Variants in KCNH7 observed in about 807,000 individuals in gnomAD.
KCNH7 encodes the protein potassium voltage-gated channel subfamily H member 7.
KCNH7 carries 49 observed loss-of-function variants against 120.8 expected under a neutral mutation model. The ratio of observed to expected loss-of-function variants is 0.41; its 90% CI spans 0.32 to 0.51. The LOEUF is 0.51. Ranked by LOEUF, KCNH7 falls within the 20% of genes least tolerant of loss-of-function variation. KCNH7 has a pLI of 0.38. For synonymous variants in KCNH7, 547 were observed against 516.1 expected (o/e 1.06, Z -0.81); for missense variants, 1,097 against 1,446.6 (o/e 0.76, Z 3.92).
intron 2 of KCNH7, among the ~76,000 whole-genome samples, chr2:162,802,186 AT>A (rs1446642651): frequency 6.6e-6 from 1 of 151,718 alleles, no homozygotes; most frequent in Non-Finnish European, 1.5e-5. Context: ...CATCCCTGTT[AT>A]TTTAATAACT....
intron 2 of KCNH7, among the ~76,000 whole-genome samples, chr2:162,697,220 G>T (rs1686325261): frequency 6.6e-6 from 1 of 152,058 alleles, no homozygotes; most frequent in Non-Finnish European, 1.5e-5. Context: ...CAGAGGGGTG[G>T]AACTGAGTTT....
At chr2:162,798,998 T>C (rs2105537660) in intron 2 of KCNH7, among the ~76,000 whole-genome samples, 1 of 152,142 alleles carries the variant, frequency 6.6e-6, no homozygotes, top group East Asian at 1.9e-4. Flanking sequence ...GCAACACTTC[T>C]AGACAAACTC....
intron 7 of KCNH7, among the ~76,000 whole-genome samples, chr2:162,436,461 T>C (rs564653779): frequency 3.3e-5 from 5 of 152,268 alleles, no homozygotes; most frequent in African/African-American, 1.2e-4. Context: ...ACTGACCGGG[T>C]ATCTAATGAT....
chr2:162,618,464 G>T (rs1290348969), intron 2 of KCNH7, among the ~76,000 whole-genome samples: 1 of 151,798 alleles, frequency 6.6e-6, no homozygotes, highest in Non-Finnish European at 1.5e-5. Context: ...TGCTTACATA[G>T]AACTTTAATT....
chr2:162,494,597 G>A lies in KCNH7; in HGVS notation c.1128+9846C>T, dbSNP rs1184581946. Among the ~76,000 whole-genome samples, 4 of 152,096 alleles carry A rather than the reference G, an allele frequency of 2.6e-5. No individual in the cohort carries two copies. The East Asian group carries it at 5.8e-4, about 22-fold the overall frequency. On this transcript the variant is annotated intron_variant, in intron 6 of 15. Coordinates refer to ENST00000332142, the MANE Select transcript of KCNH7 (RefSeq NM_033272.4). ...TATCAATCATAATAAAGGTTATTAT[G>A]TTAACCTATTGTAAACTACAGAAAT... is the stretch of plus-strand genomic sequence containing the variant.
intron 2 of KCNH7, among the ~76,000 whole-genome samples, chr2:162,611,612 T>G (rs1008400990): frequency 1.3e-5 from 2 of 152,180 alleles, no homozygotes; most frequent in African/African-American, 4.8e-5. Flanking sequence ...GTTCTAAAAC[T>G]GAGAAGCCCA....
At chr2:162,789,523 A>G (rs766857459) in intron 2 of KCNH7, among the ~76,000 whole-genome samples, 5 of 152,014 alleles carry the variant, frequency 3.3e-5, no homozygotes, top group Non-Finnish European at 7.4e-5. Context: ...TAACGGACGT[A>G]TATAAACCAT....
At chr2:162,392,997 T>A (rs929103115) in intron 12 of KCNH7, among the ~76,000 whole-genome samples, 4 of 151,876 alleles carry the variant, frequency 2.6e-5, no homozygotes, top group African/African-American at 9.7e-5. Context: ...TGGCAGATTA[T>A]GGTAGCTTGG....
intron 2 of KCNH7, among the ~76,000 whole-genome samples, chr2:162,788,148 A>T (rs1683781971): frequency 6.6e-6 from 1 of 152,196 alleles, no homozygotes; most frequent in African/African-American, 2.4e-5. Context: ...AAGAAATGAA[A>T]ATCCATGAAC....
At chr2:162,629,703 T>A (rs1333736903) in intron 2 of KCNH7, among the ~76,000 whole-genome samples, 1 of 152,062 alleles carries the variant, frequency 6.6e-6, no homozygotes, top group Non-Finnish European at 1.5e-5. Context: ...TTCAGTGACG[T>A]CATGTTAGTA....
In KCNH7 at chr2:162,396,794, A is replaced by T; in HGVS notation, c.2559T>A (p.Asp853Glu). 1 of 1,611,824 alleles carries T rather than the reference A, an allele frequency of 6.2e-7. No homozygotes were observed. ...EVLDMYPEFS[D>E]HFLTNLELTF... is the part of the protein sequence containing the mutation. ...TCAACTCTAGGTTTGTTAGAAAGTG[A>T]TCAGAAAACTCAGGATACATATCCA... The change falls in exon 11 of 16, where the codon GAT becomes GAA. Residue 853 changes from aspartate to glutamate, a missense_variant. Transcript: ENST00000332142.
At chr2:162,787,388 T>G (rs1449809968) in intron 2 of KCNH7, among the ~76,000 whole-genome samples, 1 of 151,900 alleles carries the variant, frequency 6.6e-6, no homozygotes, top group Non-Finnish European at 1.5e-5. Flanking sequence ...CCAGACTCAG[T>G]GGCTCCAGGC....
At chr2:162,764,487 T>C (rs140539740) in intron 2 of KCNH7, among the ~76,000 whole-genome samples, 8 of 152,312 alleles carry the variant, frequency 5.3e-5, no homozygotes, top group South Asian at 2.1e-4. Flanking sequence ...CAAGTTGTTC[T>C]AGGTCATTAT....
intron 2 of KCNH7, among the ~76,000 whole-genome samples, chr2:162,591,996 A>G (rs1021500261): frequency 1.3e-5 from 2 of 152,134 alleles, no homozygotes; most frequent in African/African-American, 4.8e-5. Context: ...CGAAAGTCTC[A>G]TGCAGAATGG....
intron 12 of KCNH7, among the ~76,000 whole-genome samples, chr2:162,392,624 T>C (rs1686777368): frequency 6.6e-6 from 1 of 152,000 alleles, no homozygotes; most frequent in African/African-American, 2.4e-5. Context: ...GGGCCAAATA[T>C]TTTCCACTTT....
intron 2 of KCNH7, among the ~76,000 whole-genome samples, chr2:162,683,983 A>T (rs1034016573): frequency 4.6e-5 from 7 of 152,162 alleles, no homozygotes; most frequent in Non-Finnish European, 1.0e-4. Flanking sequence ...ACAGCGTGGT[A>T]CTGGTACCAA....
chr2:162,693,096 A>G (rs879728312), intron 2 of KCNH7, among the ~76,000 whole-genome samples: 2 of 116,924 alleles, frequency 1.7e-5, no homozygotes, highest in Non-Finnish European at 3.0e-5. Context: ...ATAAATGGGG[A>G]AAAAAGAAGA....
chr2:162,829,849 G>GTT (rs5835923), intron 2 of KCNH7, among the ~76,000 whole-genome samples: 5,812 of 136,014 alleles, frequency 0.043, 141 homozygotes, highest in Non-Finnish European at 0.051. Flanking sequence ...AACTTTATCT[G>GTT]TTTTTTTTTT....
intron 3 of KCNH7, among the ~76,000 whole-genome samples, chr2:162,533,534 A>G (rs763018156): frequency 6.6e-5 from 10 of 151,802 alleles, no homozygotes; most frequent in Non-Finnish European, 1.0e-4. Flanking sequence ...GATTTAAGAT[A>G]CAGTAGAATT....
Sources: allele counts gnomAD v4.1 joint callset (sites outside exome capture counted in the v4.1 genomes callset), GRCh38; gene constraint gnomAD v4.1.1; transcripts MANE v1.5; gene names NCBI Gene and HGNC (gene_info 2026-07-23, HGNC 2026-07-21).